C10orf90: variants seen among roughly 807,000 people sequenced by gnomAD.
The protein encoded by C10orf90 is chromosome 10 open reading frame 90.
C10orf90 carries 56 observed loss-of-function variants against 62.5 expected under a neutral mutation model. The observed-to-expected ratio is 0.90, with a 90% CI of 0.72 to 1.12. The LOEUF (loss-of-function observed/expected upper bound fraction) is 1.12. Among genes scored for constraint, C10orf90 ranks in the 50% most tolerant of loss-of-function variants. C10orf90 has a pLI of 0.00. For synonymous variants in C10orf90, 386 were observed against 340.4 expected (o/e 1.13, Z -1.47); for missense variants, 970 against 880.4 (o/e 1.10, Z -1.29).
At chr10:126,623,036 A>C (rs993167088) in intron 2 of C10orf90, among the ~76,000 whole-genome samples, 1 of 152,194 alleles carries the variant, frequency 6.6e-6, no homozygotes, top group Admixed American at 6.5e-5. Flanking sequence ...TAGAAGTTAG[A>C]GACAATGGCA....
At chr10:126,467,022 T>G (rs1860324802) in intron 4 of C10orf90, among the ~76,000 whole-genome samples, 1 of 152,260 alleles carries the variant, frequency 6.6e-6, no homozygotes, top group South Asian at 2.1e-4. Flanking sequence ...TTATCAGTGA[T>G]GCAGTCTCAA....
chr10:126,535,516 CAAA>C (rs35841777), intron 2 of C10orf90, among the ~76,000 whole-genome samples: 16 of 132,016 alleles, frequency 1.2e-4, no homozygotes, highest in Middle Eastern at 3.9e-3. Flanking sequence ...GACGCTGTCT[CAAA>C]AAAAAAAAAA....
intron 4 of C10orf90, among the ~76,000 whole-genome samples, chr10:126,501,147 CA>C (rs1304800980): frequency 2.0e-5 from 3 of 152,190 alleles, no homozygotes; most frequent in African/African-American, 7.2e-5. Context: ...TTTTAATGAG[CA>C]CTGCTGCAGT....
At chr10:126,604,314 A>G (rs1343854613) in intron 2 of C10orf90, among the ~76,000 whole-genome samples, 1 of 152,204 alleles carries the variant, frequency 6.6e-6, no homozygotes, top group Non-Finnish European at 1.5e-5. Context: ...CTCACAAAGC[A>G]ACAACCATCA....
chr10:126,499,235 G>A (rs543416130), intron 4 of C10orf90, among the ~76,000 whole-genome samples: 1 of 152,268 alleles, frequency 6.6e-6, no homozygotes, highest in South Asian at 2.1e-4. Flanking sequence ...TAAGATGGTG[G>A]TGACTCAATG....
intron 2 of C10orf90, among the ~76,000 whole-genome samples, chr10:126,639,060 T>C (rs1397278642): frequency 6.6e-6 from 1 of 152,174 alleles, no homozygotes; most frequent in Non-Finnish European, 1.5e-5. Context: ...ATATTACACC[T>C]TTCTTTCTTA....
intron 2 of C10orf90, among the ~76,000 whole-genome samples, chr10:126,590,506 TA>T (rs1386080891): frequency 2.0e-5 from 3 of 152,098 alleles, no homozygotes; most frequent in Non-Finnish European, 4.4e-5. Flanking sequence ...CACAGAACAA[TA>T]AAATTAGAAC....
rs1844330332 is a variant in C10orf90, at chr10:126,565,217, T to TTATATTACATAATATGTAATATAAATA, written c.314-51279_314-51278insTATTTATATTACATATTATGTAATATA. ...TATATTACATATTATGTAATATAAT[T>TTATATTACATAATATGTAATATAAATA]TTTATATTACATATTATGTAATATA... On this transcript the variant is annotated intron_variant, in intron 2 of 9. Transcript: ENST00000488181. Among the ~76,000 whole-genome samples, 2 of 17,374 alleles carry TTATATTACATAATATGTAATATAAATA rather than the reference T, an allele frequency of 1.2e-4. 1 individual carries two copies. The highest frequency in any genetic ancestry group is 2.6e-4 in the Non-Finnish European group (2 of 7,710). The allele number at this position is 17,374 out of a possible 152,430, so 11.4% of individuals were successfully genotyped here.
At chr10:126,466,092 C>G (rs1196819339) in intron 4 of C10orf90, among the ~76,000 whole-genome samples, 1 of 152,048 alleles carries the variant, frequency 6.6e-6, no homozygotes, top group Non-Finnish European at 1.5e-5. Flanking sequence ...AAGAGCTACT[C>G]TTTTTAAGTA....
chr10:126,653,434 C>T (rs1043183654), intron 1 of C10orf90, among the ~76,000 whole-genome samples: 2 of 152,214 alleles, frequency 1.3e-5, no homozygotes, highest in African/African-American at 4.8e-5. Flanking sequence ...ATAGTTCCAT[C>T]TCAAGAAACA....
intron 1 of C10orf90, among the ~76,000 whole-genome samples, chr10:126,654,555 A>G (rs1846355000): frequency 6.6e-6 from 1 of 152,192 alleles, no homozygotes; most frequent in African/African-American, 2.4e-5. Context: ...AGACCACTCA[A>G]ACTTTCTCCA....
In C10orf90 at chr10:126,464,185, C is replaced by T. The variant is rs192948653; in HGVS notation, c.1825+511G>A. Among the ~76,000 whole-genome samples the T allele has an allele frequency of 5.1e-3, 783 of 152,270 alleles. 5 individuals are homozygous for T. The highest frequency in any genetic ancestry group is 0.018 in the African/African-American group (731 of 41,536). Reference sequence around the variant, plus strand: ...TCCCCAGAGAAATGATGACTGTGTTCTAATTCTTGGTTTCTTCCTCTGTGG... The same window carrying T: ...TCCCCAGAGAAATGATGACTGTGTTTTAATTCTTGGTTTCTTCCTCTGTGG... On this transcript the variant is annotated intron_variant, in intron 5 of 9. Transcript: ENST00000488181.
chr10:126,649,074 C>G (rs568545845), intron 1 of C10orf90, among the ~76,000 whole-genome samples: 4 of 58,762 alleles, frequency 6.8e-5, no homozygotes, highest in Non-Finnish European at 1.5e-4. Flanking sequence ...CTCTCTCTCC[C>G]CCCCCCCCAG....
Position 126,594,662 on chromosome 10 carries a change from G to A in C10orf90, c.313+51903C>T, listed in dbSNP as rs141498089. Among the ~76,000 whole-genome samples, 817 of 152,324 alleles carry A rather than the reference G, an allele frequency of 5.4e-3. 4 individuals carry two copies. The highest frequency in any genetic ancestry group is 0.01 in the Middle Eastern group (3 of 294). On this transcript the variant is annotated intron_variant, in intron 2 of 9. Transcript: ENST00000488181. ...AGAGTAACATGATTGGGAATGGTGC[G>A]TGGAGCTGGTGAAGTCCTCTCTGAG...
rs1422439836 is a variant in C10orf90, at chr10:126,512,349, T to C, written c.405+1499A>G. Among the ~76,000 whole-genome samples, 4 of 40,222 alleles carry C rather than the reference T, an allele frequency of 9.9e-5. No homozygotes were observed. The Admixed American group carries it at 1.1e-3, about 11-fold the overall frequency. The allele number at this position is 40,222 out of a possible 152,430, so 26.4% of individuals were successfully genotyped here. Reference sequence around the variant, plus strand: ...TTCTATGTGTGTGTATGTGTGTGTGTCTGTGTGTGTGTGTATGTGTGTCTG... The same window carrying C: ...TTCTATGTGTGTGTATGTGTGTGTGCCTGTGTGTGTGTGTATGTGTGTCTG... On this transcript the variant is annotated intron_variant, in intron 3 of 9. Coordinates refer to ENST00000488181, the MANE Select transcript of C10orf90 (RefSeq NM_001350921.2).
At chr10:126,652,288 A>AT (rs760140114) in intron 1 of C10orf90, among the ~76,000 whole-genome samples, 20 of 152,222 alleles carry the variant, frequency 1.3e-4, no homozygotes, top group Admixed American at 2.6e-4. Flanking sequence ...AAAGCATTAG[A>AT]TTTTTCATTT....
chr10:126,660,256 T>C (rs774269607), intron 1 of C10orf90, among the ~76,000 whole-genome samples: 3 of 152,238 alleles, frequency 2.0e-5, no homozygotes, highest in Non-Finnish European at 4.4e-5. Context: ...GGGTTGGGTT[T>C]TACTGACATA....
In C10orf90 at chr10:126,461,539, C is replaced by G. The variant is rs895185219; in HGVS notation, c.1872G>C (p.Lys624Asn). 6.2e-7 allele frequency: 1 copy of G among 1,613,764 alleles called. No individual in the cohort carries two copies. The highest frequency in any genetic ancestry group is 1.3e-5 in the African/African-American group (1 of 74,894). Residue 624 changes from lysine (K) to asparagine (N), a missense_variant, in exon 6 of 10, where the codon AAG (lysine) becomes AAC (asparagine). Coordinates refer to ENST00000488181, the MANE Select transcript of C10orf90 (RefSeq NM_001350921.2). Reference protein sequence around the residue: ...CDLVVKIKECKKSEDPTTPEP... With the variant: ...CDLVVKIKECNKSEDPTTPEP... ...CAGGTGTGGTGGGGTCCTCACTCTT[C>G]TTACATTCCTTTATTTTTACAACCA...
intron 2 of C10orf90, among the ~76,000 whole-genome samples, chr10:126,637,221 A>T (rs1053805998): frequency 1.3e-5 from 2 of 152,166 alleles, no homozygotes; most frequent in African/African-American, 4.8e-5. Flanking sequence ...AGGAGGGCAG[A>T]TTGATTCAGC....
Sources: allele counts gnomAD v4.1 joint callset (sites outside exome capture counted in the v4.1 genomes callset), GRCh38; gene constraint gnomAD v4.1.1; transcripts MANE v1.5; gene names NCBI Gene and HGNC (gene_info 2026-07-23, HGNC 2026-07-21).